ROPN1L: variants seen among roughly 807,000 people sequenced by gnomAD.
ROPN1L encodes the protein rhophilin associated tail protein 1 like.
Under a neutral mutation model 22.7 loss-of-function variants are expected in ROPN1L, and 23 were observed. That is an observed-to-expected ratio of 1.01 (90% confidence interval 0.73 to 1.43). The LOEUF (loss-of-function observed/expected upper bound fraction) is 1.43, where lower values mean the gene tolerates loss of function less well. Among genes scored for constraint, ROPN1L ranks in the 40% most tolerant of loss-of-function variants. The pLI is 0.00. For synonymous variants in ROPN1L, 116 were observed against 117.8 expected (o/e 0.98, Z 0.10); for missense variants, 271 against 291.5 (o/e 0.93, Z 0.51).
chr5:10,457,311 C>T (rs575299027), intron 3 of ROPN1L, among the ~76,000 whole-genome samples: 29 of 152,214 alleles, frequency 1.9e-4, no homozygotes, highest in Non-Finnish European at 3.2e-4. Flanking sequence ...CCCATCAGGC[C>T]GCTGGGGACA....
chr5:10,468,483 A>G (rs1162537066), downstream of ROPN1L, among the ~76,000 whole-genome samples: 1 of 152,234 alleles, frequency 6.6e-6, no homozygotes, highest in Non-Finnish European at 1.5e-5. Context: ...GTTCCCCTTC[A>G]TAGCCTGCAG....
At chr5:10,452,344 T>C (rs962177858) in intron 3 of ROPN1L, among the ~76,000 whole-genome samples, 14 of 148,608 alleles carry the variant, frequency 9.4e-5, no homozygotes, top group Non-Finnish European at 1.8e-4. Flanking sequence ...TGTGTGTATT[T>C]TTTTTTTTTT....
At chr5:10,476,785 T>G (rs961356864), downstream of ROPN1L, among the ~76,000 whole-genome samples, 1 of 152,254 alleles carries the variant, frequency 6.6e-6, no homozygotes, top group African/African-American at 2.4e-5. Context: ...TTAAAAATAA[T>G]AATGTATCTA....
At chr5:10,453,437 C>T (rs1289925912) in intron 3 of ROPN1L, among the ~76,000 whole-genome samples, 1 of 152,094 alleles carries the variant, frequency 6.6e-6, no homozygotes, top group Non-Finnish European at 1.5e-5. Flanking sequence ...GAACACAAAG[C>T]TGTGAATTCA....
intron 1 of ROPN1L, among the ~76,000 whole-genome samples, chr5:10,442,881 A>G (rs764388540): frequency 2.6e-5 from 4 of 152,236 alleles, no homozygotes; most frequent in Non-Finnish European, 4.4e-5. Context: ...CCAGGAACAG[A>G]CATTCATAAT....
Position 10,448,185 on chromosome 5 carries a change from GTTAT to G in ROPN1L, c.132-71_132-68del, listed in dbSNP as rs1741133759. On this transcript the variant is annotated intron_variant, in intron 1 of 4. Transcript: ENST00000274134. ...TTCCTAATCACCGTTGTTTTGGGGG[GTTAT>G]TTAAGAAATTGGATCGCATAGCTGT... 14 of 1,561,740 alleles carry G rather than the reference GTTAT, an allele frequency of 9.0e-6. No homozygotes were observed. The South Asian group carries it at 1.2e-4, about 14-fold the overall frequency.
chr5:10,451,660 C>T (rs1741255884), intron 3 of ROPN1L, among the ~76,000 whole-genome samples: 1 of 152,160 alleles, frequency 6.6e-6, no homozygotes, highest in Admixed American at 6.5e-5. Flanking sequence ...AAGCTCCGTG[C>T]CCTCAGGGAG....
intron 4 of ROPN1L, 107 bp from the exon 5 acceptor site, chr5:10,464,741 A>G (rs1288938109): frequency 1.7e-5 from 11 of 632,080 alleles, no homozygotes; most frequent in African/African-American, 3.7e-5. Flanking sequence ...GCAACCATAA[A>G]TAGTTTTTAA....
At chr5:10,474,312 A>G (rs1285075435), downstream of ROPN1L, among the ~76,000 whole-genome samples, 2 of 152,134 alleles carry the variant, frequency 1.3e-5, no homozygotes, top group Non-Finnish European at 2.9e-5. Flanking sequence ...AGGTCTGTGT[A>G]TAGTCAGGTA....
rs942933697 is a variant in ROPN1L at position 10,461,356 on chromosome 5, A to G, written c.590A>G (p.Asn197Ser). The G allele has an allele frequency of 2.5e-6, 4 of 1,612,864 alleles. No homozygotes were observed. The highest frequency in any genetic ancestry group is 3.4e-6 in the Non-Finnish European group (4 of 1,178,980). Residue 197 changes from asparagine (N) to serine (S), a missense_variant, in exon 4 of 5, where the codon AAT (asparagine) becomes AGT (serine). By Grantham distance (46) the Asn-to-Ser change is conservative. Transcript: ENST00000274134. ...TCCTACCTTGCCTCTCTAAAGGAAA[A>G]TATGTAAGTATGCACCCTCTCTAGG... ...TESYLASLKE[N>S]IDARKNGMIG...
intron 1 of ROPN1L, among the ~76,000 whole-genome samples, chr5:10,443,530 G>A (rs1489025033): frequency 1.3e-5 from 2 of 151,852 alleles, no homozygotes; most frequent in African/African-American, 2.4e-5. Flanking sequence ...GCTGAGGCAG[G>A]AGAATGGCGT....
intron 3 of ROPN1L, among the ~76,000 whole-genome samples, chr5:10,459,522 C>T (rs1424471115): frequency 1.3e-5 from 2 of 152,130 alleles, no homozygotes; most frequent in African/African-American, 2.4e-5. Flanking sequence ...TAAAGACCTC[C>T]GTGATCTGCC....
chr5:10,464,471 C>T (rs955267199), intron 4 of ROPN1L, among the ~76,000 whole-genome samples: 3 of 152,340 alleles, frequency 2.0e-5, no homozygotes, highest in Middle Eastern at 3.4e-3. Flanking sequence ...GCGGCTACTC[C>T]GCCTGACAGA....
At chr5:10,448,584 A>G (rs898662814) in intron 2 of ROPN1L, among the ~76,000 whole-genome samples, 1 of 152,222 alleles carries the variant, frequency 6.6e-6, no homozygotes, top group East Asian at 1.9e-4. Flanking sequence ...GTCTTTTTCT[A>G]GCTTCAACAG....
At chr5:10,471,427 C>T (rs1174806759) in intron 4 of ROPN1L, among the ~76,000 whole-genome samples, 4 of 152,258 alleles carry the variant, frequency 2.6e-5, no homozygotes, top group Middle Eastern at 3.4e-3. Flanking sequence ...GGATGACAGG[C>T]GTGAGCCACC....
chr5:10,443,675 A>G (rs1333513775), intron 1 of ROPN1L, among the ~76,000 whole-genome samples: 1 of 151,544 alleles, frequency 6.6e-6, no homozygotes, highest in Non-Finnish European at 1.5e-5. Context: ...TCTGGAGGCC[A>G]GAAGTCCAAA....
In ROPN1L at chr5:10,441,954, G is replaced by A. The variant is rs1407413508; in HGVS notation, c.-214G>A. The A allele has an allele frequency of 3.5e-6, 2 of 568,302 alleles. No individual in the cohort carries two copies. The highest frequency in any genetic ancestry group is 6.2e-6 in the Non-Finnish European group (2 of 323,448). 35.2% of individuals were successfully genotyped at this position (568,302 alleles called of 1,614,324 possible). A position where few individuals can be genotyped will look rare whatever the true frequency, so the allele number is the denominator to read the frequency against. On this transcript the variant is annotated 5_prime_UTR_variant, in exon 1 of 5. Transcript: ENST00000274134. ...AGGGAACTGCAGGGTCTAGGGTGTTGTCGGAGTGGCAGTTGGTCCGAATTT... is the reference window on the plus strand; with the variant it reads ...AGGGAACTGCAGGGTCTAGGGTGTTATCGGAGTGGCAGTTGGTCCGAATTT...
intron 3 of ROPN1L, among the ~76,000 whole-genome samples, chr5:10,457,539 G>A (rs774279680): frequency 6.6e-6 from 1 of 152,244 alleles, no homozygotes; most frequent in Non-Finnish European, 1.5e-5. Context: ...TCTGGGCCTG[G>A]CCAAGGTGTC....
chr5:10,476,012 G>A (rs1487677044), downstream of ROPN1L, among the ~76,000 whole-genome samples: 1 of 152,216 alleles, frequency 6.6e-6, no homozygotes. Context: ...CAGTTCATAG[G>A]AAGGTGAAGA....
Sources: allele counts gnomAD v4.1 joint callset (sites outside exome capture counted in the v4.1 genomes callset), GRCh38; gene constraint gnomAD v4.1.1; transcripts MANE v1.5; gene names NCBI Gene and HGNC (gene_info 2026-07-23, HGNC 2026-07-21).